Variants in HECTD4 observed in about 807,000 individuals in gnomAD.
HECTD4 encodes HECT domain E3 ubiquitin protein ligase 4, also known as probable E3 ubiquitin-protein ligase HECTD4.
Under a neutral mutation model 471.5 loss-of-function variants are expected in HECTD4, and 114 were observed. That is an observed-to-expected ratio of 0.24 (90% CI 0.21 to 0.28). HECTD4 has a LOEUF of 0.28. Ranked by LOEUF, HECTD4 falls within the 10% of genes least tolerant of loss-of-function variation. The pLI is 1.00. For missense variants in HECTD4, 3,866 were observed against 5,651.5 expected (o/e 0.68, Z 10.13); for synonymous variants, 2,012 against 2,256.0 (o/e 0.89, Z 3.07).
Position 112,164,224 on chromosome 12 carries a change from G to A in HECTD4, c.12586C>T (p.His4196Tyr), listed in dbSNP as rs1566056355. The change falls in exon 73 of 76, where the codon CAC (histidine) becomes TAC (tyrosine). Residue 4196 changes from histidine (H) to tyrosine (Y), a missense_variant. Physicochemically the swap from His to Tyr is moderately conservative, Grantham distance 83 (BLOSUM62 2). This residue lies in a region of HECTD4 where 715 missense variants were observed against 1,087.6 expected (regional missense o/e 0.66). Transcript: ENST00000682272. ...CTGTCAGGGCTCTCCGTGGCCAGGT[G>A]CTGGGAGGCGATCTCAGCGCACAGG... is the stretch of plus-strand genomic sequence containing the variant. Reference protein sequence around the residue: ...EALCAEIASQHLATESPDSPN... With the variant: ...EALCAEIASQYLATESPDSPN... 2 of 1,613,662 alleles carry A rather than the reference G, an allele frequency of 1.2e-6. No individual in the cohort carries two copies. The highest frequency in any genetic ancestry group is 1.3e-5 in the African/African-American group (1 of 74,930).
chr12:112,175,076 C>A (rs1042409292), intron 66 of HECTD4, among the ~76,000 whole-genome samples: 1 of 152,138 alleles, frequency 6.6e-6, no homozygotes, highest in Non-Finnish European at 1.5e-5. Context: ...GGAGCGAGGG[C>A]AATGTGGACT....
chr12:112,196,889 A>G (rs1173851996), intron 55 of HECTD4, among the ~76,000 whole-genome samples: 1 of 151,956 alleles, frequency 6.6e-6, no homozygotes, highest in Non-Finnish European at 1.5e-5. Flanking sequence ...TCCGCCTCCC[A>G]GGTTCAAGCG....
chr12:112,319,259 C>T lies in HECTD4; in HGVS notation c.661G>A (p.Ala221Thr). ...GCCAAAGCCACCAGGGCAGCAGCAG[C>T]ATTTTCTTTTTGCTTATGTGGGATG... is the stretch of plus-strand genomic sequence containing the variant. ...RHIPHKQKEN[A>T]AAALVALACA... The change falls in exon 2 of 76, where the codon GCT becomes ACT. Residue 221 changes from alanine (A) to threonine (T), a missense_variant. Physicochemically the swap from Ala to Thr is moderately conservative, Grantham distance 58 (BLOSUM62 0). Transcript: ENST00000682272. The surrounding 1 kb of genome is among the most constrained non-coding windows in gnomAD (Gnocchi z 5.3). 6.5e-7 allele frequency: 1 copy of T among 1,536,160 alleles called. No individual in the cohort carries two copies. The highest frequency in any genetic ancestry group is 2.0e-5 in the Admixed American group (1 of 51,002).
chr12:112,279,521 A>G (rs1278644011), intron 8 of HECTD4, 135 bp from the exon 9 acceptor site: 15 of 751,190 alleles, frequency 2.0e-5, no homozygotes, highest in Non-Finnish European at 2.7e-5. Flanking sequence ...CAGATTAGGA[A>G]AACAGAATAA....
intron 10 of HECTD4, 136 bp downstream of exon 10, chr12:112,274,711 A>G: frequency 3.2e-6 from 2 of 616,050 alleles, no homozygotes; most frequent in Non-Finnish European, 5.5e-6. Flanking sequence ...GTCTCAAACA[A>G]AACAAAACAA....
intron 34 of HECTD4, among the ~76,000 whole-genome samples, 180 bp downstream of exon 34, chr12:112,238,872 G>A (rs1303621839): frequency 6.6e-6 from 1 of 152,138 alleles, no homozygotes; most frequent in African/African-American, 2.4e-5. Flanking sequence ...TCGTAATGCT[G>A]TAAGTTTTTA....
intron 14 of HECTD4, 35 bp from the exon 15 acceptor site, chr12:112,266,018 T>A (rs1374990141): frequency 7.1e-7 from 1 of 1,416,202 alleles, no homozygotes; most frequent in Non-Finnish European, 1.0e-6. Flanking sequence ...ACTACCCTGG[T>A]AATGACTCCT....
At chr12:112,199,064 G>A (rs956806637) in intron 55 of HECTD4, among the ~76,000 whole-genome samples, 14 of 152,144 alleles carry the variant, frequency 9.2e-5, no homozygotes, top group Admixed American at 3.9e-4. Flanking sequence ...ATTAGGACAC[G>A]GGGCTGTTGA....
At chr12:112,164,853 C>T (rs960233582) in intron 72 of HECTD4, among the ~76,000 whole-genome samples, 1 of 151,064 alleles carries the variant, frequency 6.6e-6, no homozygotes, top group Non-Finnish European at 1.5e-5. Context: ...AACTCCTGAC[C>T]TCAGGTGATC....
intron 66 of HECTD4, 39 bp downstream of exon 66, chr12:112,175,697 A>C: frequency 6.3e-7 from 1 of 1,596,918 alleles, no homozygotes; most frequent in African/African-American, 1.3e-5. Flanking sequence ...AACAATTTCT[A>C]TGCAAGGTGC....
chr12:112,270,347 A>T lies in HECTD4; in HGVS notation c.2055T>A (p.Ser685Arg). 1 of 1,613,978 alleles carries T rather than the reference A, an allele frequency of 6.2e-7. No individual in the cohort carries two copies. Among genetic ancestry groups the T allele is most frequent in the South Asian group, 1.1e-5 (1 of 91,082 alleles). ...LATNPNLPIT[S>R]VLGKQHPIEA... Reference sequence around the variant, plus strand: ...CAATTGGATGCTGCTTGCCCAAGACACTTGTGATTGGAAGATTGGGGTTGG... The same window carrying T: ...CAATTGGATGCTGCTTGCCCAAGACTCTTGTGATTGGAAGATTGGGGTTGG... Residue 685 changes from serine to arginine, a missense_variant, in exon 12 of 76, where the codon AGT becomes AGA. Transcript: ENST00000682272.
rs2033910171 is a variant in HECTD4 at position 112,252,356 on chromosome 12, T to C, written c.3552+68A>G. The C allele has an allele frequency of 2.1e-6, 3 of 1,456,020 alleles. No individual in the cohort carries two copies. In the South Asian group the frequency reaches 4.4e-5, roughly 21 times the overall value. The allele number at this position is 1,456,020 out of a possible 1,614,324, so 90.2% of individuals were successfully genotyped here. ...TTCTGCCCTGTTTCCAAGGCAAATA[T>C]GCTGTATGTAATCAAGGCACATAGC... On this transcript the variant is annotated intron_variant, in intron 23 of 75. Coordinates refer to ENST00000682272, the MANE Select transcript of HECTD4 (RefSeq NM_001388303.1).
chr12:112,189,396 C>T (rs899084271), intron 60 of HECTD4, among the ~76,000 whole-genome samples: 1 of 151,336 alleles, frequency 6.6e-6, no homozygotes, highest in African/African-American at 2.4e-5. Context: ...ACTAAAAATA[C>T]AAAAAATTGG....
intron 5 of HECTD4, 54 bp downstream of exon 5, chr12:112,309,507 T>C (rs115932356): frequency 9.0e-6 from 7 of 779,810 alleles, no homozygotes; most frequent in African/African-American, 3.4e-5. Context: ...CAGAGATTTA[T>C]GTAAGGAGGA....
At chr12:112,234,160 T>C (rs1398957590) in intron 37 of HECTD4, among the ~76,000 whole-genome samples, 3 of 152,162 alleles carry the variant, frequency 2.0e-5, no homozygotes, top group African/African-American at 7.2e-5. Flanking sequence ...TATTTTCAAC[T>C]TCAAACTATT....
chr12:112,374,058 C>G (rs1225714961), intron 1 of HECTD4, among the ~76,000 whole-genome samples: 2 of 149,682 alleles, frequency 1.3e-5, no homozygotes, highest in African/African-American at 2.5e-5. Flanking sequence ...GGAATTTGGC[C>G]AGGTGCAGTG....
chr12:112,258,998 C>T, intron 19 of HECTD4, 114 bp downstream of exon 19: 2 of 889,934 alleles, frequency 2.2e-6, no homozygotes, highest in South Asian at 1.9e-5. Context: ...CATTATTTCC[C>T]TTGGTTTCTG....
Sources: gnomAD v4.1 joint callset for allele counts (sites outside exome capture counted in the v4.1 genomes callset) on GRCh38, gnomAD v4.1.1 for gene constraint, gnomAD v4.1.1 regional missense constraint, Gnocchi (gnomAD v3.1) non-coding constraint, MANE v1.5 for transcripts, NCBI Gene and HGNC (gene_info 2026-07-23, HGNC 2026-07-21) for gene names.